RIOX2: variants seen among roughly 807,000 people sequenced by gnomAD.
RIOX2 encodes the protein ribosomal oxygenase 2.
RIOX2 carries 43 observed loss-of-function variants against 51.2 expected under a neutral mutation model. The ratio of observed to expected loss-of-function variants is 0.84; its 90% CI spans 0.66 to 1.08. RIOX2 has a LOEUF of 1.08. RIOX2 is among the 50% of genes least tolerant of loss of function. RIOX2 has a pLI of 0.00. For missense variants in RIOX2, 566 were observed against 561.7 expected (o/e 1.01, Z -0.08); for synonymous variants, 226 against 218.5 (o/e 1.03, Z -0.30).
chr3:97,970,794 A>G lies in RIOX2; in HGVS notation c.-40+1587T>C, dbSNP rs543891473. Among the ~76,000 whole-genome samples the G allele has an allele frequency of 1.1e-4, 17 of 152,332 alleles. No homozygotes were observed. The East Asian group carries it at 3.3e-3, about 29-fold the overall frequency. On this transcript the variant is annotated intron_variant, in intron 1 of 9. Transcript: ENST00000394198. ...GGTGACTACCCCACAGATAAACCCT[A>G]TAAGAAAATCAATGTTGACAACCAT...
chr3:97,945,764 A>C (rs1417666623), intron 9 of RIOX2, 34 bp downstream of exon 9: 1 of 1,487,718 alleles, frequency 6.7e-7, no homozygotes, highest in African/African-American at 1.4e-5. Context: ...CACCCAAGTC[A>C]CAGGATAGGC....
intron 6 of RIOX2, among the ~76,000 whole-genome samples, chr3:97,950,319 T>C (rs1316534028): frequency 1.3e-5 from 2 of 152,230 alleles, no homozygotes; most frequent in Non-Finnish European, 2.9e-5. Context: ...TGTCCTAAGA[T>C]GAATGCTTCA....
At chr3:97,956,789 C>T (rs1268663818) in intron 4 of RIOX2, among the ~76,000 whole-genome samples, 2 of 152,252 alleles carry the variant, frequency 1.3e-5, no homozygotes, top group African/African-American at 4.8e-5. Context: ...GCCACCGCAC[C>T]CCGCCTAAAG....
chr3:97,952,367 A>G, intron 5 of RIOX2: 1 of 570,080 alleles, frequency 1.8e-6, no homozygotes, highest in Non-Finnish European at 2.9e-6. Context: ...CCAGCTGAAA[A>G]GAGAAGAAAT....
Position 97,967,645 on chromosome 3 carries a change from C to A in RIOX2, c.-39-13G>T. 1 of 1,495,780 alleles carries A rather than the reference C, an allele frequency of 6.7e-7. No homozygotes were observed. Among genetic ancestry groups the A allele is most frequent in the South Asian group, 1.3e-5 (1 of 74,460 alleles). The allele number at this position is 1,495,780 out of a possible 1,614,324, so 92.7% of individuals were successfully genotyped here. A position where few individuals can be genotyped will look rare whatever the true frequency, so the allele number is the denominator to read the frequency against. On this transcript the variant is annotated splice_polypyrimidine_tract_variant and intron_variant, in intron 1 of 9. Transcript: ENST00000394198. Reference sequence around the variant, plus strand: ...AGGAAATGCAAACCTACCAAAAGAACAAAACACACATGGTTAGGTTTACAA... The same window carrying A: ...AGGAAATGCAAACCTACCAAAAGAAAAAAACACACATGGTTAGGTTTACAA...
intron 5 of RIOX2, among the ~76,000 whole-genome samples, chr3:97,951,785 T>C (rs1418883988): frequency 3.3e-5 from 5 of 152,320 alleles, no homozygotes; most frequent in Non-Finnish European, 7.4e-5. Flanking sequence ...AGAGACACTT[T>C]TCCCAAGACA....
intron 5 of RIOX2, 88 bp from the exon 6 acceptor site, chr3:97,950,976 A>C (rs1705223681): frequency 2.2e-6 from 2 of 911,742 alleles, no homozygotes; most frequent in Admixed American, 4.1e-5. Context: ...GTAAAGCCAA[A>C]AGCTACAAAT....
At chr3:97,966,520 A>T (rs1189059217) in intron 2 of RIOX2, among the ~76,000 whole-genome samples, 1 of 152,220 alleles carries the variant, frequency 6.6e-6, no homozygotes, top group Non-Finnish European at 1.5e-5. Flanking sequence ...TATTTCCCAA[A>T]TGTCAATCCC....
chr3:97,950,820 T>G lies in RIOX2; in HGVS notation c.854A>C (p.Glu285Ala). The G allele has an allele frequency of 1.2e-6, 2 of 1,613,632 alleles. No individual in the cohort carries two copies. Among genetic ancestry groups the G allele is most frequent in the African/African-American group, 2.7e-5 (2 of 74,928 alleles). The change falls in exon 6 of 10, where the codon GAG becomes GCG. Residue 285 changes from glutamate to alanine, a missense_variant. By Grantham distance (107) the Glu-to-Ala change is moderately radical. Transcript: ENST00000394198. ...CTGCCGGGGTATGCCGGTCCGTAAC[T>G]CCACGTCTTCCTTTGCAGTATCAAA... ...LVFDTAKEDV[E>A]LRTGIPRQLL...
At chr3:97,970,408 A>G (rs550449037) in intron 1 of RIOX2, among the ~76,000 whole-genome samples, 1 of 152,346 alleles carries the variant, frequency 6.6e-6, no homozygotes, top group East Asian at 1.9e-4. Context: ...TGATTCTCAC[A>G]CTACTCATAC....
At chr3:97,953,575 G>GT (rs1448635357) in intron 5 of RIOX2, among the ~76,000 whole-genome samples, 3 of 152,018 alleles carry the variant, frequency 2.0e-5, no homozygotes, top group East Asian at 3.9e-4. Flanking sequence ...TAGAGATGGG[G>GT]TTTCACCATG....
intron 9 of RIOX2, 87 bp from the exon 10 acceptor site, chr3:97,945,429 A>G: frequency 8.1e-7 from 1 of 1,235,990 alleles, no homozygotes; most frequent in Non-Finnish European, 1.1e-6. Flanking sequence ...TTCTCCATAC[A>G]TCATTATTTT....
chr3:97,958,008 C>G (rs1483139659), intron 4 of RIOX2, among the ~76,000 whole-genome samples: 1 of 152,010 alleles, frequency 6.6e-6, no homozygotes, highest in East Asian at 1.9e-4. Flanking sequence ...GGTCCATGGG[C>G]CACAGTTTGA....
At chr3:97,952,113 T>C (rs1442016027) in intron 5 of RIOX2, 3 of 1,160,782 alleles carry the variant, frequency 2.6e-6, no homozygotes, top group South Asian at 2.6e-5. Context: ...CCAACAATGC[T>C]ACCTTGACAG....
chr3:97,942,360 G>C lies in RIOX2; in HGVS notation c.*2824C>G. The C allele has an allele frequency of 6.2e-7, 1 of 1,611,838 alleles. No homozygotes were observed. Among genetic ancestry groups the C allele is most frequent in the Non-Finnish European group, 8.5e-7 (1 of 1,178,582 alleles). ...AAAGTAGCTCTATGGACTGAACATGGGCAATTCAGGCAGAAGTGGAGACTG... is the reference window on the plus strand; with the variant it reads ...AAAGTAGCTCTATGGACTGAACATGCGCAATTCAGGCAGAAGTGGAGACTG... On this transcript the variant is annotated 3_prime_UTR_variant, in exon 10 of 10. Coordinates refer to ENST00000394198, the MANE Select transcript of RIOX2 (RefSeq NM_153182.4).
chr3:97,959,265 G>A (rs1324594873), intron 3 of RIOX2, 86 bp from the exon 4 acceptor site: 1 of 1,321,532 alleles, frequency 7.6e-7, no homozygotes, highest in African/African-American at 1.5e-5. Context: ...CCCTCTAAGG[G>A]GCTAATAGAC....
intron 1 of RIOX2, among the ~76,000 whole-genome samples, chr3:97,968,100 TGC>T (rs1347298118): frequency 6.6e-6 from 1 of 152,104 alleles, no homozygotes; most frequent in Non-Finnish European, 1.5e-5. Flanking sequence ...AGCCGCCCAC[TGC>T]CAGGTGCTCC....
intron 9 of RIOX2, 107 bp from the exon 10 acceptor site, chr3:97,945,449 T>C: frequency 1.0e-6 from 1 of 993,282 alleles, no homozygotes. Flanking sequence ...TTGATACCCC[T>C]CATGAGTATT....
chr3:97,971,535 G>C (rs1043779632), intron 1 of RIOX2: 3 of 152,194 alleles, frequency 2.0e-5, no homozygotes, highest in Non-Finnish European at 4.4e-5. Context: ...TTGACCTAAA[G>C]GAGTGATCAG....
Sources: allele counts gnomAD v4.1 joint callset (sites outside exome capture counted in the v4.1 genomes callset), GRCh38; gene constraint gnomAD v4.1.1; transcripts MANE v1.5; gene names NCBI Gene and HGNC (gene_info 2026-07-23, HGNC 2026-07-21).